Variants in ST8SIA6 observed in about 807,000 individuals in gnomAD.
ST8SIA6 encodes ST8 alpha-N-acetyl-neuraminide alpha-2,8-sialyltransferase 6, also known as alpha-2,8-sialyltransferase 8F.
ST8SIA6 carries 39 observed loss-of-function variants against 33.6 expected under a neutral mutation model. The ratio of observed to expected loss-of-function variants is 1.16; its 90% CI spans 0.90 to 1.52. The LOEUF (loss-of-function observed/expected upper bound fraction) is 1.52. ST8SIA6 is among the 40% of genes most tolerant of loss of function. The probability of loss-of-function intolerance (pLI) is 0.00; values close to 1 mark genes in which losing one functional copy is unlikely to be tolerated. For synonymous variants in ST8SIA6, 172 were observed against 167.2 expected, an observed-to-expected ratio of 1.03 and a Z score of -0.22; for missense variants, 441 against 443.8, an observed-to-expected ratio of 0.99 and a Z score of 0.06.
intron 4 of ST8SIA6, among the ~76,000 whole-genome samples, chr10:17,337,181 G>C (rs1004496242): frequency 6.6e-6 from 1 of 152,090 alleles, no homozygotes; most frequent in Non-Finnish European, 1.5e-5. Context: ...AGAAGAGCCT[G>C]CCACCTCTTT....
At chr10:17,452,425 A>C (rs1458152980) in intron 2 of ST8SIA6, among the ~76,000 whole-genome samples, 2 of 152,246 alleles carry the variant, frequency 1.3e-5, no homozygotes, top group East Asian at 3.8e-4. Context: ...AAAGAGGAAA[A>C]GAGACCGTAT....
chr10:17,353,514 AT>A (rs1321404861), intron 4 of ST8SIA6, among the ~76,000 whole-genome samples: 1 of 152,182 alleles, frequency 6.6e-6, no homozygotes, highest in Non-Finnish European at 1.5e-5. Flanking sequence ...GGTGACTGTT[AT>A]TTTAGAAATA....
intron 4 of ST8SIA6, among the ~76,000 whole-genome samples, chr10:17,354,997 T>G (rs1245742052): frequency 6.6e-6 from 1 of 152,136 alleles, no homozygotes; most frequent in Non-Finnish European, 1.5e-5. Flanking sequence ...AGACCCACAA[T>G]TAAGTGCTGA....
intron 2 of ST8SIA6, among the ~76,000 whole-genome samples, chr10:17,431,926 TA>T (rs1235254930): frequency 1.3e-5 from 2 of 151,678 alleles, no homozygotes; most frequent in Non-Finnish European, 2.9e-5. Flanking sequence ...TGAAAAGTGG[TA>T]CAGGAAAAAA....
At chr10:17,367,668 G>T (rs1263741136) in intron 3 of ST8SIA6, among the ~76,000 whole-genome samples, 1 of 152,114 alleles carries the variant, frequency 6.6e-6, no homozygotes, top group Non-Finnish European at 1.5e-5. Flanking sequence ...CATTTTTCAA[G>T]TTTCAAGGAA....
intron 2 of ST8SIA6, among the ~76,000 whole-genome samples, chr10:17,432,476 G>A (rs1158507019): frequency 1.3e-5 from 2 of 151,408 alleles, no homozygotes; most frequent in African/African-American, 2.4e-5. Context: ...GACTACCTGC[G>A]TTTATGATAC....
At chr10:17,390,242 C>T (rs1850536338) in intron 3 of ST8SIA6, among the ~76,000 whole-genome samples, 1 of 152,144 alleles carries the variant, frequency 6.6e-6, no homozygotes, top group African/African-American at 2.4e-5. Flanking sequence ...CTCTGCCTCC[C>T]CAAGCACTGG....
intron 2 of ST8SIA6, among the ~76,000 whole-genome samples, chr10:17,403,019 A>G (rs866619546): frequency 1.3e-5 from 2 of 152,186 alleles, no homozygotes; most frequent in Non-Finnish European, 2.9e-5. Flanking sequence ...TACACCATGA[A>G]CACTATCACT....
chr10:17,379,849 T>C (rs897360901), intron 3 of ST8SIA6, among the ~76,000 whole-genome samples: 4 of 152,192 alleles, frequency 2.6e-5, no homozygotes, highest in African/African-American at 9.7e-5. Context: ...ACTTTCTAAA[T>C]TAACTGAGAT....
At chr10:17,362,105 G>T (rs1253431211) in intron 3 of ST8SIA6, among the ~76,000 whole-genome samples, 4 of 152,122 alleles carry the variant, frequency 2.6e-5, no homozygotes, top group Non-Finnish European at 5.9e-5. Context: ...AAAAAGACAT[G>T]ATTGTCCACT....
rs138450574 is a variant in ST8SIA6 at position 17,393,109 on chromosome 10, C to T, written c.201-2489G>A. Among the ~76,000 whole-genome samples, 46 of 152,280 alleles carry T rather than the reference C, an allele frequency of 3.0e-4. No homozygotes were observed. In the East Asian group the frequency reaches 7.1e-3, roughly 24 times the overall value. On this transcript the variant is annotated intron_variant, in intron 2 of 7. Transcript: ENST00000377602. The stretch of plus-strand genomic sequence containing the variant: ...TTCACTCTCTCTTCTTGAGCTGGGA[C>T]GTCGTTTTCTCCTGCCCTTGGACAT...
At chr10:17,368,553 A>G (rs886865229) in intron 3 of ST8SIA6, among the ~76,000 whole-genome samples, 10 of 152,182 alleles carry the variant, frequency 6.6e-5, no homozygotes, top group Admixed American at 2.0e-4. Flanking sequence ...CAAAAACAAA[A>G]AAAAAGGAAA....
rs577363438 is a variant in ST8SIA6, at chr10:17,331,506, AAAC to A, written c.421_423del (p.Val141del). On this transcript the variant is annotated inframe_deletion, in exon 5 of 8. Transcript: ENST00000377602. ...GTCCCAACTGGAGTGTTATTCTGAGAAACAACAAAGTTTTGAACAGCATCACAG... is the reference window on the plus strand; with the variant it reads ...GTCCCAACTGGAGTGTTATTCTGAGAAACAAAGTTTTGAACAGCATCACAG... 22 of 1,613,204 alleles carry A rather than the reference AAAC, an allele frequency of 1.4e-5. No individual in the cohort carries two copies. In the Admixed American group the frequency reaches 2.7e-4, roughly 20 times the overall value.
In ST8SIA6 at chr10:17,443,056, C is replaced by T. The variant is rs138788578; in HGVS notation, c.200+10503G>A. ...TAGGAAGCGTAAATACTTTGGTATA[C>T]CCAAAGTGAACATGGTGTGTTGGAT... On this transcript the variant is annotated intron_variant, in intron 2 of 7. Transcript: ENST00000377602. Among the ~76,000 whole-genome samples the T allele has an allele frequency of 2.8e-3, 431 of 152,236 alleles. 3 individuals are homozygous for T. The highest frequency in any genetic ancestry group is 9.8e-3 in the African/African-American group (407 of 41,520).
intron 2 of ST8SIA6, among the ~76,000 whole-genome samples, chr10:17,422,612 C>CA (rs1851813410): frequency 6.6e-6 from 1 of 152,172 alleles, no homozygotes; most frequent in African/African-American, 2.4e-5. Context: ...AGGTTCAAGA[C>CA]ACATTGATTA....
rs1487075609 is a variant in ST8SIA6 at position 17,366,095 on chromosome 10, A to G, written c.291-6495T>C. Among the ~76,000 whole-genome samples, 4 of 152,222 alleles carry G rather than the reference A, an allele frequency of 2.6e-5. No homozygotes were observed. In the East Asian group the frequency reaches 7.7e-4, roughly 29 times the overall value. ...CTTTAAAGGAATAGCTAATGAGTGT[A>G]TGAAAGCCAAACTAGGAGAAGTGTG... On this transcript the variant is annotated intron_variant, in intron 3 of 7. Transcript: ENST00000377602.
intron 4 of ST8SIA6, among the ~76,000 whole-genome samples, chr10:17,352,297 G>C (rs1040220015): frequency 6.6e-6 from 1 of 152,152 alleles, no homozygotes; most frequent in African/African-American, 2.4e-5. Context: ...ATATTGTTCA[G>C]TTTGTAAAAG....
At chr10:17,361,211 G>T (rs1351937679) in intron 3 of ST8SIA6, among the ~76,000 whole-genome samples, 1 of 151,916 alleles carries the variant, frequency 6.6e-6, no homozygotes, top group Non-Finnish European at 1.5e-5. Context: ...AAAATTCAAT[G>T]AGATGAAAAG....
At chr10:17,448,672 G>A (rs1252676431) in intron 2 of ST8SIA6, among the ~76,000 whole-genome samples, 1 of 151,978 alleles carries the variant, frequency 6.6e-6, no homozygotes, top group Non-Finnish European at 1.5e-5. Context: ...CTGGAGTGCA[G>A]TGGCACAATC....
Sources: gnomAD v4.1 joint callset for allele counts (sites outside exome capture counted in the v4.1 genomes callset) on GRCh38, gnomAD v4.1.1 for gene constraint, MANE v1.5 for transcripts, NCBI Gene and HGNC (gene_info 2026-07-23, HGNC 2026-07-21) for gene names.